SLC7A2: variants seen among roughly 807,000 people sequenced by gnomAD.
SLC7A2 encodes the protein solute carrier family 7 member 2.
Under a neutral mutation model 58.9 loss-of-function variants are expected in SLC7A2, and 48 were observed. The ratio of observed to expected loss-of-function variants is 0.82; its 90% CI spans 0.65 to 1.04. SLC7A2 has a LOEUF of 1.04. Ranked by LOEUF, SLC7A2 falls within the 50% of genes least tolerant of loss-of-function variation. The pLI is 0.00. For synonymous variants in SLC7A2, 363 were observed against 314.5 expected (o/e 1.15, Z -1.63); for missense variants, 1,029 against 818.8 (o/e 1.26, Z -3.13).
At chr8:17,537,834 C>T (rs999409373) in intron 2 of SLC7A2, among the ~76,000 whole-genome samples, 4 of 152,196 alleles carry the variant, frequency 2.6e-5, no homozygotes, top group Non-Finnish European at 5.9e-5. Context: ...GCTGACTGGG[C>T]AGGGACTCCG....
intron 6 of SLC7A2, 142 bp downstream of exon 6, chr8:17,550,576 G>A (rs1042331157): frequency 3.0e-6 from 2 of 677,894 alleles, no homozygotes; most frequent in Non-Finnish European, 4.8e-6. Flanking sequence ...TGTGACACGT[G>A]CTGCTGATGA....
rs1802806860 is a variant in SLC7A2, at chr8:17,558,350, C to T, written c.1251C>T (p.Gly417=). 1 of 1,613,556 alleles carries T rather than the reference C, an allele frequency of 6.2e-7. No individual in the cohort carries two copies. The highest frequency in any genetic ancestry group is 8.5e-7 in the Non-Finnish European group (1 of 1,179,722). Residue 417 remains glycine (G), a synonymous_variant, in exon 9 of 13, where the codon GGC becomes GGT. Transcript: ENST00000494857. ...LKALVDMMSI[G]TLMAYSLVAA... ...CGCTTGTGGACATGATGTCCATTGG[C>T]ACACTCATGGCCTACTCTCTGGTGG...
In SLC7A2 at chr8:17,566,435, T is replaced by A. The variant is rs1803268016; in HGVS notation, c.*1289T>A. ...CCTCTGATGTTTCCTTTGGAAACAT[T>A]TAGGAATATTTTTCTCCCCCTACCC... On this transcript the variant is annotated 3_prime_UTR_variant, in exon 13 of 13. Coordinates refer to ENST00000494857, the MANE Select transcript of SLC7A2 (RefSeq NM_001370338.1). The A allele has an allele frequency of 6.6e-6, 1 of 152,134 alleles. No individual in the cohort carries two copies. Among genetic ancestry groups the A allele is most frequent in the African/African-American group, 2.4e-5 (1 of 41,420 alleles). The allele number at this position is 152,134 out of a possible 1,614,324, so 9.4% of individuals were successfully genotyped here. A position where few individuals can be genotyped will look rare whatever the true frequency, so the allele number is the denominator to read the frequency against.
At chr8:17,518,792 G>C (rs1289289215) in intron 2 of SLC7A2, among the ~76,000 whole-genome samples, 1 of 152,012 alleles carries the variant, frequency 6.6e-6, no homozygotes, top group Non-Finnish European at 1.5e-5. Flanking sequence ...TAGCATCTTA[G>C]TCTGCTTGAG....
intron 2 of SLC7A2, among the ~76,000 whole-genome samples, chr8:17,503,318 GGGATTACA>G (rs1407339268): frequency 6.6e-6 from 1 of 152,046 alleles, no homozygotes; most frequent in Non-Finnish European, 1.5e-5. Flanking sequence ...CCAAAGTGCT[GGGATTACA>G]GGTGTGAGCC....
chr8:17,555,290 GA>G (rs1802644134), intron 8 of SLC7A2, among the ~76,000 whole-genome samples: 1 of 151,932 alleles, frequency 6.6e-6, no homozygotes, highest in South Asian at 2.1e-4. Context: ...GACCCTTTGG[GA>G]TTTTTTTTTT....
At chr8:17,521,139 A>C (rs1373124050) in intron 2 of SLC7A2, among the ~76,000 whole-genome samples, 1 of 152,162 alleles carries the variant, frequency 6.6e-6, no homozygotes, top group Non-Finnish European at 1.5e-5. Context: ...GTAGTCCTTG[A>C]GCCATTTTAG....
chr8:17,564,772 G>A (rs988063218), intron 12 of SLC7A2, among the ~76,000 whole-genome samples, 178 bp from the exon 13 acceptor site: 2 of 152,122 alleles, frequency 1.3e-5, no homozygotes, highest in Non-Finnish European at 2.9e-5. Flanking sequence ...TTCCTGTTGT[G>A]TGGCCTGGTT....
chr8:17,495,431 G>A (rs1399978518), upstream of SLC7A2, among the ~76,000 whole-genome samples: 1 of 152,140 alleles, frequency 6.6e-6, no homozygotes, highest in Non-Finnish European at 1.5e-5. Flanking sequence ...TTTGCATAAG[G>A]AATCTTTTTT....
intron 2 of SLC7A2, among the ~76,000 whole-genome samples, chr8:17,509,149 C>T (rs1008384044): frequency 6.6e-5 from 10 of 152,126 alleles, no homozygotes; most frequent in African/African-American, 2.4e-4. Flanking sequence ...TTTCCTTCAT[C>T]ATGTCATTTT....
intron 2 of SLC7A2, among the ~76,000 whole-genome samples, chr8:17,523,323 A>G (rs1801091831): frequency 6.6e-6 from 1 of 152,200 alleles, no homozygotes; most frequent in Non-Finnish European, 1.5e-5. Context: ...AGTAAGCAAA[A>G]AGAACAAATC....
intron 2 of SLC7A2, among the ~76,000 whole-genome samples, chr8:17,531,489 A>G (rs75211239): frequency 0.053 from 8,122 of 152,168 alleles, 452 homozygotes; most frequent in African/African-American, 0.13. Flanking sequence ...CAGGGTGTCT[A>G]ATGCCTTTTA....
intron 2 of SLC7A2, among the ~76,000 whole-genome samples, chr8:17,509,939 GC>G (rs1800532804): frequency 6.6e-6 from 1 of 152,046 alleles, no homozygotes; most frequent in Non-Finnish European, 1.5e-5. Context: ...GTGAATTGAA[GC>G]CCGGTACAGT....
intron 2 of SLC7A2, among the ~76,000 whole-genome samples, chr8:17,517,124 C>T (rs1800834571): frequency 6.6e-6 from 1 of 152,196 alleles, no homozygotes. Context: ...CTTTGCATCA[C>T]TTTAAACACA....
chr8:17,543,860 T>C (rs1375429225), intron 3 of SLC7A2, 145 bp downstream of exon 3: 1 of 692,004 alleles, frequency 1.4e-6, no homozygotes, highest in Non-Finnish European at 2.2e-6. Flanking sequence ...TGTCTCCTTC[T>C]AATTACAAAA....
chr8:17,548,781 A>C lies in SLC7A2; in HGVS notation c.636A>C (p.Lys212Asn). ...TTGTGATGGTTGCTGGGTTTGTGAA[A>C]GGAAATGTGGCAAACTGGAAGATTA... ...LLFVMVAGFVKGNVANWKISE... is the reference protein window; with the variant it reads ...LLFVMVAGFVNGNVANWKISE... Residue 212 changes from lysine (K) to asparagine (N), a missense_variant, in exon 5 of 13, where the codon AAA becomes AAC. By Grantham distance (94) the Lys-to-Asn change is moderately conservative. Coordinates refer to ENST00000494857, the MANE Select transcript of SLC7A2 (RefSeq NM_001370338.1). The C allele has an allele frequency of 6.2e-7, 1 of 1,614,064 alleles. No individual in the cohort carries two copies. Among genetic ancestry groups the C allele is most frequent in the Non-Finnish European group, 8.5e-7 (1 of 1,179,966 alleles).
upstream of SLC7A2, among the ~76,000 whole-genome samples, chr8:17,495,598 G>C (rs1291255191): frequency 6.6e-6 from 1 of 152,156 alleles, no homozygotes; most frequent in Non-Finnish European, 1.5e-5. Flanking sequence ...CGCCCAGGCT[G>C]GACTGTAGTG....
rs1803362959 is a variant in SLC7A2, at chr8:17,568,364, T to C, written c.*3218T>C. 1 of 152,176 alleles carries C rather than the reference T, an allele frequency of 6.6e-6. No individual in the cohort carries two copies. The highest frequency in any genetic ancestry group is 2.4e-5 in the African/African-American group (1 of 41,446). 9.4% of individuals were successfully genotyped at this position (152,176 alleles called of 1,614,324 possible). On this transcript the variant is annotated 3_prime_UTR_variant, in exon 13 of 13. Transcript: ENST00000494857. ...GGAAAACTTATATTAGAACTTTTGA[T>C]ATATACTAAAATACTGATTATCTTA...
intron 8 of SLC7A2, 72 bp downstream of exon 8, chr8:17,554,771 A>G: frequency 1.4e-6 from 2 of 1,481,130 alleles, no homozygotes; most frequent in Non-Finnish European, 1.8e-6. Context: ...AAAAATACAA[A>G]GCTAGGTGGT....
Sources: gnomAD v4.1 joint callset for allele counts (sites outside exome capture counted in the v4.1 genomes callset) on GRCh38, gnomAD v4.1.1 for gene constraint, MANE v1.5 for transcripts, NCBI Gene and HGNC (gene_info 2026-07-23, HGNC 2026-07-21) for gene names.